The following HECTD4 variants were observed in gnomAD, a reference collection of about 807,000 sequenced individuals.
HECTD4 encodes the protein probable E3 ubiquitin-protein ligase HECTD4.
A neutral mutation model predicts 471.5 loss-of-function variants in HECTD4; 114 were observed. That is an observed-to-expected ratio of 0.24 (90% confidence interval 0.21 to 0.28). The LOEUF is 0.28. Ranked by LOEUF, HECTD4 falls within the 10% of genes least tolerant of loss-of-function variation. The pLI, the probability that HECTD4 is intolerant of heterozygous loss-of-function variation, is 1.00. For missense variants in HECTD4, 3,866 were observed against 5,651.5 expected, an observed-to-expected ratio of 0.68 and a Z score of 10.13; for synonymous variants, 2,012 against 2,256.0, an observed-to-expected ratio of 0.89 and a Z score of 3.07.
rs2033387978 is a variant in HECTD4, at chr12:112,231,828, T to C, written c.5998-113A>G. The C allele has an allele frequency of 4.6e-6, 4 of 867,530 alleles. No homozygotes were observed. The African/African-American group carries it at 5.1e-5, about 11-fold the overall frequency. The allele number at this position is 867,530 out of a possible 1,614,324, so 53.7% of individuals were successfully genotyped here. A position where few individuals can be genotyped will look rare whatever the true frequency, so the allele number is the denominator to read the frequency against. ...GCAATCCACACTCATTTTTTTTTAA[T>C]TCAAACATAAAATATTATATGTAGA... On this transcript the variant is annotated intron_variant, in intron 38 of 75. Coordinates refer to ENST00000682272, the MANE Select transcript of HECTD4 (RefSeq NM_001388303.1).
chr12:112,240,119 T>C, intron 32 of HECTD4, 92 bp from the exon 33 acceptor site: 2 of 1,309,850 alleles, frequency 1.5e-6, no homozygotes, highest in South Asian at 2.6e-5. Context: ...CTAGAGTATC[T>C]GGATGAATCC....
At chr12:112,326,780 A>C (rs2035753515) in intron 1 of HECTD4, among the ~76,000 whole-genome samples, 1 of 152,200 alleles carries the variant, frequency 6.6e-6, no homozygotes, top group Non-Finnish European at 1.5e-5. Context: ...ATCGATTTCC[A>C]TCTACTTTGC....
At chr12:112,263,878 C>T (rs1307862433) in intron 17 of HECTD4, among the ~76,000 whole-genome samples, 1 of 152,038 alleles carries the variant, frequency 6.6e-6, no homozygotes, top group Non-Finnish European at 1.5e-5. Context: ...GACAGGAGCA[C>T]ACGGATGACA....
At chr12:112,275,136 T>C (rs1011888265) in intron 9 of HECTD4, among the ~76,000 whole-genome samples, 176 bp from the exon 10 acceptor site, 1 of 152,240 alleles carries the variant, frequency 6.6e-6, no homozygotes, top group Non-Finnish European at 1.5e-5. Flanking sequence ...GAAAGAAAAC[T>C]GTCACCACCA....
chr12:112,220,322 T>C (rs936338610), intron 44 of HECTD4, among the ~76,000 whole-genome samples: 2 of 151,726 alleles, frequency 1.3e-5, no homozygotes, highest in Non-Finnish European at 2.9e-5. Context: ...GCCCCTACTA[T>C]GGAGGGAAAA....
chr12:112,197,643 C>G (rs1256906949), intron 55 of HECTD4, among the ~76,000 whole-genome samples: 6 of 152,242 alleles, frequency 3.9e-5, no homozygotes, highest in South Asian at 2.1e-4. Flanking sequence ...ACCGCATTAA[C>G]ACTGATTAAA....
At chr12:112,280,989 C>A (rs1024424877) in intron 8 of HECTD4, among the ~76,000 whole-genome samples, 1 of 151,990 alleles carries the variant, frequency 6.6e-6, no homozygotes, top group Non-Finnish European at 1.5e-5. Flanking sequence ...TGGGGTTTCA[C>A]CATGTTGGCC....
chr12:112,263,707 T>TTATATATA (rs534839272), intron 17 of HECTD4, among the ~76,000 whole-genome samples: 1 of 137,840 alleles, frequency 7.3e-6, no homozygotes, highest in East Asian at 2.5e-4. Flanking sequence ...CCCAAGATTT[T>TTATATATA]TATATATATA....
rs1566064013 is a variant in HECTD4 at position 112,184,215 on chromosome 12, C to T, written c.10751G>A (p.Arg3584His). ...CACGACTGCGAAGCCTTTGATGGGGCGGGCGGCGAGGGGCTGGTTGTCCAG... is the reference window on the plus strand; with the variant it reads ...CACGACTGCGAAGCCTTTGATGGGGTGGGCGGCGAGGGGCTGGTTGTCCAG... ...TSLDNQPLAA[R>H]PIKGFAVVEI... is the part of the protein sequence containing the mutation. Residue 3584 changes from arginine (R) to histidine (H), a missense_variant, in exon 61 of 76, where the codon CGC becomes CAC. Physicochemically the swap from Arg to His is conservative, Grantham distance 29. Coordinates refer to ENST00000682272, the MANE Select transcript of HECTD4 (RefSeq NM_001388303.1). The surrounding 1 kb of genome is among the most constrained non-coding windows in gnomAD (Gnocchi z 9.1). 11 of 1,611,738 alleles carry T rather than the reference C, an allele frequency of 6.8e-6. No individual in the cohort carries two copies. Among genetic ancestry groups the T allele is most frequent in the African/African-American group, 1.3e-5 (1 of 74,906 alleles).
rs564269286 is a variant in HECTD4, at chr12:112,324,369, C to G, written c.178-4627G>C. On this transcript the variant is annotated intron_variant, in intron 1 of 75. Coordinates refer to ENST00000682272, the MANE Select transcript of HECTD4 (RefSeq NM_001388303.1). ...TCCAGAGCTCAAGCGATCTGCTTGC[C>G]TCAGCCTCCCAAAGTGCTAAGAGTA... Among the ~76,000 whole-genome samples the G allele has an allele frequency of 2.0e-5, 3 of 151,866 alleles. No individual in the cohort carries two copies. In the East Asian group the frequency reaches 5.8e-4, roughly 29 times the overall value.
Position 112,160,688 on chromosome 12 carries a change from C to T in HECTD4, c.*1699G>A, listed in dbSNP as rs923597822. ...TTAAAGATGTAGGGAGGAAAAACCA[C>T]TTCTAATAAATCGAAAGGCTCTTTC... On this transcript the variant is annotated 3_prime_UTR_variant, in exon 76 of 76. Transcript: ENST00000682272. 1.3e-5 allele frequency: 2 copies of T among 152,138 alleles called. No individual in the cohort carries two copies. The highest frequency in any genetic ancestry group is 1.5e-5 in the Non-Finnish European group (1 of 68,020). 9.4% of individuals were successfully genotyped at this position (152,138 alleles called of 1,614,324 possible). A position where few individuals can be genotyped will look rare whatever the true frequency, so the allele number is the denominator to read the frequency against.
chr12:112,347,953 C>T (rs535471276), intron 1 of HECTD4, among the ~76,000 whole-genome samples: 20 of 152,308 alleles, frequency 1.3e-4, no homozygotes, highest in African/African-American at 4.8e-4. Context: ...AGGCTGTCAC[C>T]TCATGGGCTC....
At chr12:112,223,969 G>A (rs764852868) in intron 44 of HECTD4, among the ~76,000 whole-genome samples, 4 of 151,790 alleles carry the variant, frequency 2.6e-5, no homozygotes, top group Non-Finnish European at 5.9e-5. Flanking sequence ...TAAATTTCAT[G>A]ACATTTTCAT....
At chr12:112,347,899 C>T (rs574923897) in intron 1 of HECTD4, among the ~76,000 whole-genome samples, 3 of 152,288 alleles carry the variant, frequency 2.0e-5, no homozygotes, top group South Asian at 2.1e-4. Flanking sequence ...ATATGGATGA[C>T]GTGTAACAGG....
At chr12:112,270,541 G>T in intron 11 of HECTD4, 82 bp from the exon 12 acceptor site, 1 of 1,117,088 alleles carries the variant, frequency 9.0e-7, no homozygotes, top group Non-Finnish European at 1.3e-6. Flanking sequence ...CTTACAAAAG[G>T]TGTGTGCGCA....
At chr12:112,172,547 A>T (rs1362112361) in intron 67 of HECTD4, 124 bp downstream of exon 67, 1 of 900,456 alleles carries the variant, frequency 1.1e-6, no homozygotes, top group Non-Finnish European at 1.7e-6. Flanking sequence ...CCTGGCGCAT[A>T]GCAGGTGTTC....
rs780884155 is a variant in HECTD4 at position 112,259,243 on chromosome 12, T to C, written c.2896A>G (p.Thr966Ala). The stretch of plus-strand genomic sequence containing the variant: ...AGGTGACCAAGCATAGTAGCCTTAG[T>C]AACTTGTTCCAAGCCTTTTAACCTA... ...EQRLKGLEQV[T>A]KATMLGHLLP... Residue 966 changes from threonine (T) to alanine (A), a missense_variant, in exon 19 of 76, where the codon ACT becomes GCT. Thr to Ala is a moderately conservative substitution (Grantham distance 58). Around this residue, in one of 16 missense-constraint regions of HECTD4, gnomAD observed 525 missense variants for 672.6 expected, o/e 0.78. Transcript: ENST00000682272. The C allele has an allele frequency of 6.2e-7, 1 of 1,613,878 alleles. No homozygotes were observed. The highest frequency in any genetic ancestry group is 1.7e-5 in the Admixed American group (1 of 59,982).
chr12:112,256,537 A>G lies in HECTD4; in HGVS notation c.3129-19T>C, dbSNP rs1451352301. On this transcript the variant is annotated intron_variant, in intron 20 of 75. Coordinates refer to ENST00000682272, the MANE Select transcript of HECTD4 (RefSeq NM_001388303.1). ...TAACATTCTAAACAGAAAAAGAGAA[A>G]GTGATTTAGCTTAGCAGCCAAGGAA... 6.7e-7 allele frequency: 1 copy of G among 1,501,318 alleles called. No individual in the cohort carries two copies. The highest frequency in any genetic ancestry group is 2.4e-5 in the Admixed American group (1 of 41,190). 93.0% of individuals were successfully genotyped at this position (1,501,318 alleles called of 1,614,324 possible).
At position 112,193,002 on chromosome 12, in the gene HECTD4, C is replaced by G; in HGVS notation, c.9086+59G>C. The G allele has an allele frequency of 1.3e-6, 2 of 1,596,978 alleles. No homozygotes were observed. Among genetic ancestry groups the G allele is most frequent in the South Asian group, 2.2e-5 (2 of 88,962 alleles). ...GAATTTTTTTCCTTGGCCAGTTTCA[C>G]CAGAATTCATTTAGCTTTCCTCTCC... is the stretch of plus-strand genomic sequence containing the variant. On this transcript the variant is annotated intron_variant, in intron 58 of 75. Coordinates refer to ENST00000682272, the MANE Select transcript of HECTD4 (RefSeq NM_001388303.1). This position sits in a 1 kb window ranked among gnomAD's most constrained non-coding sequence, Gnocchi z 5.2.
Sources: gnomAD v4.1 joint callset for allele counts (sites outside exome capture counted in the v4.1 genomes callset) on GRCh38, gnomAD v4.1.1 for gene constraint, gnomAD v4.1.1 regional missense constraint, Gnocchi (gnomAD v3.1) non-coding constraint, MANE v1.5 for transcripts, NCBI Gene and HGNC (gene_info 2026-07-23, HGNC 2026-07-21) for gene names.